Variants in RBFOX1 observed in about 807,000 individuals in gnomAD.
The protein encoded by RBFOX1 is RNA binding fox-1 homolog 1.
Under a neutral mutation model 57.7 loss-of-function variants are expected in RBFOX1, and 8 were observed. That is an observed-to-expected ratio of 0.14 (90% CI 0.08 to 0.25). The LOEUF (loss-of-function observed/expected upper bound fraction) is 0.25, where lower values mean the gene tolerates loss of function less well. Among genes scored for constraint, RBFOX1 ranks in the 10% least tolerant of loss-of-function variants. The pLI is 1.00. For synonymous variants in RBFOX1, 326 were observed against 222.4 expected (o/e 1.47, Z -4.15); for missense variants, 611 against 548.5 (o/e 1.11, Z -1.14).
intron 4 of RBFOX1, among the ~76,000 whole-genome samples, chr16:7,403,142 C>A (rs1190127619): frequency 6.6e-6 from 1 of 152,232 alleles, no homozygotes; most frequent in East Asian, 1.9e-4. Context: ...TTAAGGTATA[C>A]CATTTGATAT....
intron 4 of RBFOX1, among the ~76,000 whole-genome samples, chr16:5,996,110 C>G (rs1200693572): frequency 6.6e-6 from 1 of 152,130 alleles, no homozygotes; most frequent in Admixed American, 6.5e-5. Context: ...AAGGATCTCA[C>G]CTCCTAACAC....
chr16:6,780,496 A>G (rs2080784331), intron 3 of RBFOX1, among the ~76,000 whole-genome samples: 1 of 123,600 alleles, frequency 8.1e-6, no homozygotes, highest in Non-Finnish European at 1.6e-5. Flanking sequence ...ATTTATATAC[A>G]TTTTTATATA....
chr16:6,609,957 G>T (rs1226015821), intron 2 of RBFOX1, among the ~76,000 whole-genome samples: 1 of 152,038 alleles, frequency 6.6e-6, no homozygotes, highest in Admixed American at 6.6e-5. Context: ...GCCGTGAGCC[G>T]AGATCACGCC....
At chr16:6,519,159 A>G (rs1315622898) in intron 2 of RBFOX1, among the ~76,000 whole-genome samples, 2 of 152,030 alleles carry the variant, frequency 1.3e-5, no homozygotes, top group East Asian at 3.9e-4. Context: ...CAGTCAAGAT[A>G]TGGGGGGAAC....
chr16:5,651,780 A>G (rs747050754), intron 3 of RBFOX1, among the ~76,000 whole-genome samples: 30 of 152,210 alleles, frequency 2.0e-4, no homozygotes, highest in Non-Finnish European at 3.2e-4. Flanking sequence ...CTTCTGAACA[A>G]TATTGTTGTC....
chr16:5,856,529 A>ATGTGTGTGTGTGTG, intron 3 of RBFOX1, among the ~76,000 whole-genome samples: 1 of 55,580 alleles, frequency 1.8e-5, no homozygotes, highest in Non-Finnish European at 3.7e-5. Flanking sequence ...TCTCATTCAT[A>ATGTGTGTGTGTGTG]TATGTGTATG....
chr16:6,794,358 G>C (rs1480320032), intron 3 of RBFOX1, among the ~76,000 whole-genome samples: 2 of 147,816 alleles, frequency 1.4e-5, no homozygotes, highest in African/African-American at 5.0e-5. Context: ...CAAACTACAG[G>C]AAATTGCTTT....
chr16:7,346,044 T>C (rs1371393883), intron 4 of RBFOX1, among the ~76,000 whole-genome samples: 2 of 152,178 alleles, frequency 1.3e-5, no homozygotes, highest in Non-Finnish European at 2.9e-5. Flanking sequence ...GTTCTCATTG[T>C]TCAATTCCCA....
intron 5 of RBFOX1, among the ~76,000 whole-genome samples, chr16:7,541,000 A>G (rs201057253): frequency 1.3e-5 from 2 of 152,186 alleles, no homozygotes; most frequent in African/African-American, 4.8e-5. Context: ...CAGAGGTTCA[A>G]GTGAGAGACA....
intron 5 of RBFOX1, among the ~76,000 whole-genome samples, chr16:7,525,718 C>T (rs1033158129): frequency 2.6e-5 from 4 of 152,178 alleles, no homozygotes; most frequent in South Asian, 2.1e-4. Context: ...GCTGCCATTG[C>T]TTGAGGCCTC....
chr16:7,255,328 T>C (rs1380320637), intron 4 of RBFOX1, among the ~76,000 whole-genome samples: 1 of 152,176 alleles, frequency 6.6e-6, no homozygotes, highest in Non-Finnish European at 1.5e-5. Flanking sequence ...TACAAAAAGA[T>C]TTCGTTAAAA....
intron 4 of RBFOX1, among the ~76,000 whole-genome samples, chr16:5,985,873 C>G (rs1222191138): frequency 6.6e-6 from 1 of 152,152 alleles, no homozygotes; most frequent in African/African-American, 2.4e-5. Flanking sequence ...GCTTGGCCAT[C>G]ACACTTACGT....
chr16:5,897,487 T>C (rs2058196362), intron 4 of RBFOX1, among the ~76,000 whole-genome samples: 1 of 152,168 alleles, frequency 6.6e-6, no homozygotes, highest in African/African-American at 2.4e-5. Flanking sequence ...GTAGGATCAA[T>C]GTTATTCTCG....
chr16:5,430,464 G>A (rs977974045), intron 1 of RBFOX1, among the ~76,000 whole-genome samples: 7 of 152,198 alleles, frequency 4.6e-5, no homozygotes, highest in Non-Finnish European at 8.8e-5. Flanking sequence ...GCTGGGGCTG[G>A]AGCTGGAGGA....
chr16:7,223,058 C>G (rs563883111), intron 4 of RBFOX1, among the ~76,000 whole-genome samples: 7 of 152,152 alleles, frequency 4.6e-5, no homozygotes, highest in Non-Finnish European at 7.3e-5. Flanking sequence ...ATTGCAGATG[C>G]GATTCTCATT....
At chr16:6,522,718 T>C (rs1260059766) in intron 2 of RBFOX1, among the ~76,000 whole-genome samples, 1 of 152,164 alleles carries the variant, frequency 6.6e-6, no homozygotes, top group East Asian at 1.9e-4. Context: ...AGAAGGGATA[T>C]TTTGGTAAAG....
intron 4 of RBFOX1, among the ~76,000 whole-genome samples, chr16:7,153,861 C>T (rs1029933101): frequency 1.3e-5 from 2 of 151,796 alleles, no homozygotes; most frequent in African/African-American, 4.8e-5. Context: ...TGTTTTTGTT[C>T]TTGATACCAG....
intron 2 of RBFOX1, among the ~76,000 whole-genome samples, chr16:6,416,373 C>G (rs924785670): frequency 2.6e-5 from 4 of 152,138 alleles, no homozygotes; most frequent in African/African-American, 4.8e-5. Context: ...GGTTTTGAAG[C>G]CAGTCGCTTC....
intron 2 of RBFOX1, among the ~76,000 whole-genome samples, chr16:6,324,781 G>A (rs1304801389): frequency 6.6e-6 from 1 of 152,240 alleles, no homozygotes; most frequent in Non-Finnish European, 1.5e-5. Flanking sequence ...AATTTAGAAA[G>A]CAAATGAGAT....
Sources: gnomAD v4.1 joint callset for allele counts (sites outside exome capture counted in the v4.1 genomes callset) on GRCh38, gnomAD v4.1.1 for gene constraint, MANE v1.5 for transcripts, NCBI Gene and HGNC (gene_info 2026-07-23, HGNC 2026-07-21) for gene names.